Variants in UXS1 observed in about 807,000 individuals in gnomAD.
The protein encoded by UXS1 is UDP-glucuronate decarboxylase 1.
In UXS1, 33 loss-of-function variants were observed where a neutral mutation model predicts 62.6. The observed-to-expected ratio is 0.53, with a 90% CI of 0.40 to 0.70. The LOEUF is 0.70. UXS1 is among the 30% of genes least tolerant of loss of function. The probability of loss-of-function intolerance (pLI) is 0.00; values close to 1 mark genes in which losing one functional copy is unlikely to be tolerated. For missense variants in UXS1, 434 were observed against 556.3 expected (o/e 0.78, Z 2.21); for synonymous variants, 213 against 206.8 (o/e 1.03, Z -0.26).
rs570866352 is a variant in UXS1, at chr2:106,150,122, A to C, written c.292-4752T>G. Among the ~76,000 whole-genome samples, 18 of 152,336 alleles carry C rather than the reference A, an allele frequency of 1.2e-4. 1 individual carries two copies. The South Asian group carries it at 3.7e-3, about 32-fold the overall frequency. ...CATGAGCTAGGACATCTGGTGGAAGAAATTTCTAAGCAAAATATTAAAAGA... is the reference window on the plus strand; with the variant it reads ...CATGAGCTAGGACATCTGGTGGAAGCAATTTCTAAGCAAAATATTAAAAGA... On this transcript the variant is annotated intron_variant, in intron 5 of 14. Coordinates refer to ENST00000283148, the MANE Select transcript of UXS1 (RefSeq NM_001253875.2).
At chr2:106,114,542 A>G (rs1304450222) in intron 9 of UXS1, among the ~76,000 whole-genome samples, 1 of 152,236 alleles carries the variant, frequency 6.6e-6, no homozygotes, top group Admixed American at 6.5e-5. Context: ...CAAATTTACA[A>G]TAATCAACGC....
Position 106,161,946 on chromosome 2 carries a change from A to T in UXS1, c.230+1721T>A, listed in dbSNP as rs190483171. Among the ~76,000 whole-genome samples, 472 of 152,352 alleles carry T rather than the reference A, an allele frequency of 3.1e-3. 4 individuals carry two copies. Among genetic ancestry groups the T allele is most frequent in the African/African-American group, 0.011 (458 of 41,570 alleles). On this transcript the variant is annotated intron_variant, in intron 4 of 14. Coordinates refer to ENST00000283148, the MANE Select transcript of UXS1 (RefSeq NM_001253875.2). Reference sequence around the variant, plus strand: ...CTTTGCTCAAAGTGACAAGCACGTCAAGTAAACCTATTTCCAGTTACATTC... The same window carrying T: ...CTTTGCTCAAAGTGACAAGCACGTCTAGTAAACCTATTTCCAGTTACATTC...
At position 106,094,047 on chromosome 2, in the gene UXS1, T is replaced by G. The variant is rs760985922; in HGVS notation, c.1257A>C (p.Lys419Asn). Residue 419 changes from lysine to asparagine, a missense_variant, in exon 15 of 15, where the codon AAA (lysine) becomes AAC (asparagine). Physicochemically the swap from Lys to Asn is moderately conservative, Grantham distance 94 (BLOSUM62 0). Coordinates refer to ENST00000283148, the MANE Select transcript of UXS1 (RefSeq NM_001253875.2). ...IPKPKPARIK[K>N]GRTRHS is the part of the protein sequence containing the mutation. ...GAGTTCAGCTGTGGCGAGTCCGTCCTTTCTTTATTCTGGCAGGCTTTGGTT... is the reference window on the plus strand; with the variant it reads ...GAGTTCAGCTGTGGCGAGTCCGTCCGTTCTTTATTCTGGCAGGCTTTGGTT... The G allele has an allele frequency of 1.1e-5, 18 of 1,612,946 alleles. No individual in the cohort carries two copies. The highest frequency in any genetic ancestry group is 1.1e-4 in the South Asian group (10 of 90,898).
intron 7 of UXS1, 49 bp from the exon 8 acceptor site, chr2:106,125,728 G>A (rs1235455799): frequency 6.7e-7 from 1 of 1,489,398 alleles, no homozygotes; most frequent in Non-Finnish European, 9.0e-7. Flanking sequence ...ACATGTGCAG[G>A]CACATTTTTT....
rs865830137 is a variant in UXS1, at chr2:106,165,681, C to T, written c.122+375G>A. 1.6e-4 allele frequency among the ~76,000 whole-genome samples: 24 copies of T among 152,266 alleles called. 1 individual carries two copies. The South Asian group carries it at 4.4e-3, about 28-fold the overall frequency. On this transcript the variant is annotated intron_variant, in intron 2 of 14. Coordinates refer to ENST00000283148, the MANE Select transcript of UXS1 (RefSeq NM_001253875.2). ...CTAGCTGGCCCCCTGAGGTCATGGG[C>T]CTGCCATGGCTTCCCGAAGACAGCT...
intron 11 of UXS1, chr2:106,102,642 C>T (rs1017311210): frequency 1.3e-5 from 2 of 152,110 alleles, no homozygotes; most frequent in Non-Finnish European, 2.9e-5. Context: ...GCCACCTAGA[C>T]CTCAGACTCC....
chr2:106,117,512 T>C (rs987702039), intron 9 of UXS1, among the ~76,000 whole-genome samples: 3 of 149,044 alleles, frequency 2.0e-5, no homozygotes, highest in Non-Finnish European at 4.4e-5. Flanking sequence ...CTTACTGTGC[T>C]ATATCAAGCC....
At chr2:106,105,274 C>T (rs959570651) in intron 10 of UXS1, among the ~76,000 whole-genome samples, 136 of 152,310 alleles carry the variant, frequency 8.9e-4, no homozygotes, top group African/African-American at 2.5e-3. Flanking sequence ...GGCTGGTTCA[C>T]AGACTGTTTG....
At chr2:106,113,712 T>A (rs1405629964) in intron 9 of UXS1, among the ~76,000 whole-genome samples, 2 of 152,260 alleles carry the variant, frequency 1.3e-5, no homozygotes, top group African/African-American at 2.4e-5. Flanking sequence ...ACGTGCACTT[T>A]CTGGGCACCT....
intron 10 of UXS1, among the ~76,000 whole-genome samples, chr2:106,111,903 T>C (rs953658021): frequency 1.4e-4 from 21 of 151,956 alleles, no homozygotes; most frequent in African/African-American, 5.1e-4. Context: ...CAAAGCAGCC[T>C]GGGCAGACAA....
At chr2:106,108,518 G>C (rs1392329169) in intron 10 of UXS1, among the ~76,000 whole-genome samples, 5 of 152,334 alleles carry the variant, frequency 3.3e-5, no homozygotes, top group African/African-American at 1.2e-4. Context: ...GGTGTGGACA[G>C]CTGATGGCAG....
At chr2:106,115,994 C>T (rs1405304324) in intron 9 of UXS1, among the ~76,000 whole-genome samples, 1 of 152,176 alleles carries the variant, frequency 6.6e-6, no homozygotes, top group Non-Finnish European at 1.5e-5. Context: ...GAAACACGAA[C>T]TAGGCTGGAA....
At chr2:106,184,388 T>C (rs1053007853) in intron 1 of UXS1, among the ~76,000 whole-genome samples, 1 of 152,350 alleles carries the variant, frequency 6.6e-6, no homozygotes, top group South Asian at 2.1e-4. Flanking sequence ...ATTCAACATA[T>C]CTATTTGTGA....
At chr2:106,115,556 C>T (rs76296399) in intron 9 of UXS1, among the ~76,000 whole-genome samples, 17,150 of 152,206 alleles carry the variant, frequency 0.11, 1,392 homozygotes, top group East Asian at 0.35. Flanking sequence ...GTCAAGACAA[C>T]TCCTACAAGC....
intron 13 of UXS1, among the ~76,000 whole-genome samples, chr2:106,098,171 G>A (rs1025973059): frequency 1.3e-5 from 2 of 152,372 alleles, no homozygotes; most frequent in African/African-American, 4.8e-5. Flanking sequence ...GAAGTCTGAA[G>A]ATGAGGCCAA....
intron 5 of UXS1, among the ~76,000 whole-genome samples, chr2:106,154,936 G>A (rs1172067085): frequency 6.6e-6 from 1 of 152,184 alleles, no homozygotes; most frequent in Non-Finnish European, 1.5e-5. Flanking sequence ...ATGAAGCATG[G>A]CTCCAGCATC....
At chr2:106,107,169 G>A (rs555800351) in intron 10 of UXS1, among the ~76,000 whole-genome samples, 12 of 152,244 alleles carry the variant, frequency 7.9e-5, no homozygotes, top group African/African-American at 1.9e-4. Context: ...TCTCAAAGCT[G>A]AGCGCACAGA....
intron 1 of UXS1, among the ~76,000 whole-genome samples, chr2:106,167,948 G>A (rs1395634668): frequency 2.6e-5 from 4 of 152,182 alleles, no homozygotes; most frequent in Non-Finnish European, 5.9e-5. Context: ...GATCACCTGA[G>A]GTCAAGAGTT....
chr2:106,126,943 C>T (rs1452012062), intron 7 of UXS1, among the ~76,000 whole-genome samples: 4 of 152,150 alleles, frequency 2.6e-5, no homozygotes, highest in Non-Finnish European at 5.9e-5. Context: ...CAACCACTAA[C>T]CAATTCTCCA....
Sources: allele counts gnomAD v4.1 joint callset (sites outside exome capture counted in the v4.1 genomes callset), GRCh38; gene constraint gnomAD v4.1.1; transcripts MANE v1.5; gene names NCBI Gene and HGNC (gene_info 2026-07-23, HGNC 2026-07-21).